Variants in PIAS1 observed in about 807,000 individuals in gnomAD.
PIAS1 encodes protein inhibitor of activated STAT 1.
In PIAS1, 6 loss-of-function variants were observed where a neutral mutation model predicts 71.3. The ratio of observed to expected loss-of-function variants is 0.08; its 90% confidence interval spans 0.05 to 0.17. The LOEUF is 0.17. Ranked by LOEUF, PIAS1 falls within the 10% of genes least tolerant of loss-of-function variation. PIAS1 has a pLI of 1.00. For missense variants in PIAS1, 555 were observed against 793.6 expected (o/e 0.70, Z 3.61); for synonymous variants, 303 against 292.9 (o/e 1.03, Z -0.35).
chr15:68,152,086 A>G (rs994849375), intron 6 of PIAS1, among the ~76,000 whole-genome samples: 1 of 150,518 alleles, frequency 6.6e-6, no homozygotes, highest in Non-Finnish European at 1.5e-5. Context: ...AGTAGCTGGG[A>G]CTACAGGCAC....
intron 1 of PIAS1, chr15:68,057,439 G>T: frequency 2.4e-6 from 1 of 413,180 alleles, no homozygotes; most frequent in Non-Finnish European, 4.7e-6. Context: ...TTTTTTTGGA[G>T]TAAAACTCAA....
chr15:68,087,195 A>T (rs1244666279), intron 2 of PIAS1, among the ~76,000 whole-genome samples: 1 of 152,152 alleles, frequency 6.6e-6, no homozygotes, highest in Non-Finnish European at 1.5e-5. Context: ...TTGAGCTTTG[A>T]TGTATGCTAG....
intron 4 of PIAS1, among the ~76,000 whole-genome samples, chr15:68,143,351 A>C (rs1007732855): frequency 6.6e-5 from 10 of 152,094 alleles, no homozygotes; most frequent in Admixed American, 5.9e-4. Context: ...ACTTCATGGA[A>C]CCATGTGAAA....
At chr15:68,183,799 T>C in intron 13 of PIAS1, 132 bp downstream of exon 13, 1 of 538,832 alleles carries the variant, frequency 1.9e-6, no homozygotes, top group Admixed American at 3.4e-5. Context: ...GAAAAATCCC[T>C]ACATCAATTA....
At chr15:68,177,027 C>T (rs1176014124) in intron 11 of PIAS1, among the ~76,000 whole-genome samples, 2 of 152,014 alleles carry the variant, frequency 1.3e-5, no homozygotes, top group Non-Finnish European at 2.9e-5. Flanking sequence ...TACCTGTAAT[C>T]CTAGGACTTT....
intron 7 of PIAS1, among the ~76,000 whole-genome samples, chr15:68,157,441 C>G (rs35722665): frequency 3.3e-5 from 5 of 152,090 alleles, no homozygotes; most frequent in African/African-American, 1.2e-4. Flanking sequence ...TCTACACTTG[C>G]TCTTTTTACC....
intron 4 of PIAS1, among the ~76,000 whole-genome samples, chr15:68,144,614 T>G (rs957790813): frequency 2.6e-5 from 4 of 152,186 alleles, no homozygotes; most frequent in Non-Finnish European, 4.4e-5. Context: ...TGACATCCTT[T>G]TAACTATTGC....
At position 68,191,644 on chromosome 15, in the gene PIAS1, T is replaced by G. The variant is rs1448419063; in HGVS notation, c.*3809T>G. The G allele has an allele frequency of 6.5e-6, 1 of 152,674 alleles. No individual in the cohort carries two copies. Among genetic ancestry groups the G allele is most frequent in the Non-Finnish European group, 1.5e-5 (1 of 68,048 alleles). The allele number at this position is 152,674 out of a possible 1,614,324, so 9.5% of individuals were successfully genotyped here. ...GTAATGAATATAGCCATCATTTCCC[T>G]TTCTTGTTGAAATATGGCTAACTCT... On this transcript the variant is annotated 3_prime_UTR_variant, in exon 14 of 14. Transcript: ENST00000249636.
In PIAS1 at chr15:68,094,201, A is replaced by G. The variant is rs562661721; in HGVS notation, c.469+7451A>G. ...TTGTTCTTACTTGACATGGGATAGT[A>G]TACCAATAATTCTGGAGAAGACCGG... On this transcript the variant is annotated intron_variant, in intron 2 of 13. Coordinates refer to ENST00000249636, the MANE Select transcript of PIAS1 (RefSeq NM_016166.3). Among the ~76,000 whole-genome samples, 13 of 151,820 alleles carry G rather than the reference A, an allele frequency of 8.6e-5. No homozygotes were observed. The South Asian group carries it at 2.3e-3, about 27-fold the overall frequency.
rs1399661625 is a variant in PIAS1 at position 68,181,204 on chromosome 15, T to C, written c.1482-8T>C. 6.2e-7 allele frequency: 1 copy of C among 1,612,206 alleles called. No homozygotes were observed. Among genetic ancestry groups the C allele is most frequent in the African/African-American group, 1.3e-5 (1 of 74,894 alleles). ...AATGAAAACTATGCCAATCTTTCCT[T>C]CTTCCAGCATTTTAAGTCTTCCACA... On this transcript the variant is annotated splice_region_variant and splice_polypyrimidine_tract_variant and intron_variant, in intron 11 of 13. Transcript: ENST00000249636.
chr15:68,111,794 T>G lies in PIAS1; in HGVS notation c.469+25044T>G, dbSNP rs542978328. ...ATACTAAACGGGAAAATGAATAAAC[T>G]AAGGGGGAATATTTGAAATATGACC... is the stretch of plus-strand genomic sequence containing the variant. On this transcript the variant is annotated intron_variant, in intron 2 of 13. Coordinates refer to ENST00000249636, the MANE Select transcript of PIAS1 (RefSeq NM_016166.3). Among the ~76,000 whole-genome samples the G allele has an allele frequency of 9.9e-5, 15 of 152,124 alleles. No homozygotes were observed. The East Asian group carries it at 2.7e-3, about 27-fold the overall frequency.
intron 2 of PIAS1, among the ~76,000 whole-genome samples, chr15:68,140,686 C>T (rs1033853236): frequency 2.0e-5 from 3 of 152,206 alleles, no homozygotes; most frequent in African/African-American, 4.8e-5. Context: ...CGACTTTTTG[C>T]GTGACATATT....
chr15:68,118,705 TTGATTTGCATTTCCCTTATTATTAG>T (rs2092586867), intron 2 of PIAS1, among the ~76,000 whole-genome samples: 1 of 152,234 alleles, frequency 6.6e-6, no homozygotes, highest in African/African-American at 2.4e-5. Flanking sequence ...GTAGTTTTGA[TTGATTTGCATTTCCCTTATTATTAG>T]TGATGTTGAA....
chr15:68,162,591 G>C (rs186947495), intron 7 of PIAS1, among the ~76,000 whole-genome samples: 1 of 152,306 alleles, frequency 6.6e-6, no homozygotes, highest in Non-Finnish European at 1.5e-5. Context: ...CAGCAAGCTG[G>C]AGAACCAGCG....
intron 11 of PIAS1, among the ~76,000 whole-genome samples, chr15:68,177,038 G>C (rs796593532): frequency 3.3e-5 from 5 of 152,180 alleles, no homozygotes; most frequent in African/African-American, 1.2e-4. Context: ...CTAGGACTTT[G>C]GGAGGCTGAG....
chr15:68,132,192 G>A (rs1425337228), intron 2 of PIAS1, among the ~76,000 whole-genome samples: 1 of 151,390 alleles, frequency 6.6e-6, no homozygotes, highest in Non-Finnish European at 1.5e-5. Flanking sequence ...AAAAACTACA[G>A]TGTTGGCCGG....
chr15:68,061,243 A>G (rs938010424), intron 1 of PIAS1, among the ~76,000 whole-genome samples: 4 of 152,230 alleles, frequency 2.6e-5, no homozygotes, highest in Non-Finnish European at 4.4e-5. Context: ...AGTAGAGACA[A>G]TTTTAAAGTA....
At position 68,054,464 on chromosome 15, in the gene PIAS1, C is replaced by A; in HGVS notation, c.24+114C>A. Reference sequence around the variant, plus strand: ...CTCTCGGGCCTGACTCCACCCGGGCCTGGAGTTGTAGGGAGAGAGGCGCGC... The same window carrying A: ...CTCTCGGGCCTGACTCCACCCGGGCATGGAGTTGTAGGGAGAGAGGCGCGC... On this transcript the variant is annotated intron_variant, in intron 1 of 13. Coordinates refer to ENST00000249636, the MANE Select transcript of PIAS1 (RefSeq NM_016166.3). This position sits in a 1 kb window ranked among gnomAD's most constrained non-coding sequence, Gnocchi z 4.6. 8.4e-7 allele frequency: 1 copy of A among 1,194,446 alleles called. No individual in the cohort carries two copies. The highest frequency in any genetic ancestry group is 1.2e-6 in the Non-Finnish European group (1 of 835,778). 74.0% of individuals were successfully genotyped at this position (1,194,446 alleles called of 1,614,324 possible).
At chr15:68,072,038 T>G (rs894195693) in intron 1 of PIAS1, among the ~76,000 whole-genome samples, 2 of 151,254 alleles carry the variant, frequency 1.3e-5, no homozygotes, top group African/African-American at 4.9e-5. Context: ...GAGAAAACAT[T>G]GAGGTATGTT....
Sources: allele counts gnomAD v4.1 joint callset (sites outside exome capture counted in the v4.1 genomes callset), GRCh38; gene constraint gnomAD v4.1.1; non-coding constraint Gnocchi (gnomAD v3.1); transcripts MANE v1.5; gene names NCBI Gene and HGNC (gene_info 2026-07-23, HGNC 2026-07-21).